The following ZNF226 variants were observed in gnomAD, a reference collection of about 807,000 sequenced individuals.
ZNF226 encodes zinc finger protein 226.
Under a neutral mutation model 11.4 loss-of-function variants are expected in ZNF226, and 6 were observed. The ratio of observed to expected loss-of-function variants is 0.53; its 90% CI spans 0.29 to 1.04. The LOEUF (loss-of-function observed/expected upper bound fraction) is 1.04, where lower values mean the gene tolerates loss of function less well. ZNF226 is among the 50% of genes least tolerant of loss of function. The pLI is 0.08. For synonymous variants in ZNF226, 350 were observed against 322.8 expected (o/e 1.08, Z -0.90); for missense variants, 1,058 against 956.5 (o/e 1.11, Z -1.40).
downstream of ZNF226, among the ~76,000 whole-genome samples, chr19:44,179,400 A>C (rs1156627388): frequency 6.6e-6 from 1 of 152,222 alleles, no homozygotes; most frequent in Non-Finnish European, 1.5e-5. Context: ...AATTACTAGA[A>C]TATATTAATC....
chr19:44,173,002 T>G (rs1341528272), intron 5 of ZNF226, 50 bp downstream of exon 5: 1 of 1,516,616 alleles, frequency 6.6e-7, no homozygotes, highest in South Asian at 1.2e-5. Flanking sequence ...CCATCTGCTT[T>G]GCTTCTTCTT....
chr19:44,170,983 A>G (rs570142515), intron 3 of ZNF226, among the ~76,000 whole-genome samples: 1 of 152,022 alleles, frequency 6.6e-6, no homozygotes, highest in East Asian at 1.9e-4. Flanking sequence ...TGTACTTGTA[A>G]TTATATATTG....
At chr19:44,181,709 A>G (rs1970909202), downstream of ZNF226, among the ~76,000 whole-genome samples, 1 of 152,178 alleles carries the variant, frequency 6.6e-6, no homozygotes, top group Non-Finnish European at 1.5e-5. Context: ...CTAGCTGAGC[A>G]TCTCTTGCCG....
At chr19:44,182,446 A>T (rs1970920441), downstream of ZNF226, among the ~76,000 whole-genome samples, 1 of 152,244 alleles carries the variant, frequency 6.6e-6, no homozygotes, top group South Asian at 2.1e-4. Context: ...GGGGTTTGGA[A>T]ATTGTCCCCA....
At position 44,177,510 on chromosome 19, in the gene ZNF226, A is replaced by G. The variant is rs888928020; in HGVS notation, c.2248A>G (p.Thr750Ala). 6 of 1,614,080 alleles carry G rather than the reference A, an allele frequency of 3.7e-6. No homozygotes were observed. The highest frequency in any genetic ancestry group is 5.1e-6 in the Non-Finnish European group (6 of 1,180,022). ...SQLQSHQRVHTGEKPYKCEIC... is the reference protein window; with the variant it reads ...SQLQSHQRVHAGEKPYKCEIC... ...ACTACAGTCTCATCAGCGAGTTCAC[A>G]CTGGGGAGAAACCTTATAAATGTGA... Residue 750 changes from threonine to alanine, a missense_variant, in exon 6 of 6, where the codon ACT becomes GCT. Coordinates refer to ENST00000337433, the MANE Select transcript of ZNF226 (RefSeq NM_001032373.2).
chr19:44,170,737 AAAAT>A (rs963834343), intron 3 of ZNF226, among the ~76,000 whole-genome samples: 2 of 152,256 alleles, frequency 1.3e-5, no homozygotes, highest in African/African-American at 2.4e-5. Flanking sequence ...CCGTCTCAAA[AAAAT>A]AAATAAATAA....
the ZNF226 span, among the ~76,000 whole-genome samples, chr19:44,190,947 A>G: frequency 1.3e-5 from 2 of 152,254 alleles, no homozygotes; most frequent in African/African-American, 4.8e-5. Flanking sequence ...AACTATAGAT[A>G]GCTTAAGAGA....
rs1970804587 is a variant in ZNF226 at position 44,177,490 on chromosome 19, A to G, written c.2228A>G (p.Gln743Arg). Residue 743 changes from glutamine to arginine, a missense_variant, in exon 6 of 6, where the codon CAG becomes CGG. Gln to Arg is a conservative substitution (Grantham distance 43). Coordinates refer to ENST00000337433, the MANE Select transcript of ZNF226 (RefSeq NM_001032373.2). The part of the protein sequence containing the change: ...GKVFSRSSQL[Q>R]SHQRVHTGEK... ...GTCTTCAGTCGGTCTTCACAACTAC[A>G]GTCTCATCAGCGAGTTCACACTGGG... is the stretch of plus-strand genomic sequence containing the variant. 4.3e-6 allele frequency: 7 copies of G among 1,614,104 alleles called. No homozygotes were observed. The highest frequency in any genetic ancestry group is 1.3e-5 in the African/African-American group (1 of 74,944).
At chr19:44,194,364 A>C in the ZNF226 span, among the ~76,000 whole-genome samples, 1 of 151,918 alleles carries the variant, frequency 6.6e-6, no homozygotes, top group Non-Finnish European at 1.5e-5. Flanking sequence ...ACAGCGTTGA[A>C]CTCCTGGGCA....
the ZNF226 span, among the ~76,000 whole-genome samples, chr19:44,187,398 G>T: frequency 1.3e-5 from 2 of 151,820 alleles, no homozygotes; most frequent in East Asian, 3.9e-4. This position sits in a 1 kb window ranked among gnomAD's most constrained non-coding sequence, Gnocchi z 4.0. Context: ...TATCCAATCT[G>T]TTGGTGTATT....
At chr19:44,199,303 T>C in the ZNF226 span, among the ~76,000 whole-genome samples, 2 of 151,636 alleles carry the variant, frequency 1.3e-5, no homozygotes, top group African/African-American at 4.8e-5. Flanking sequence ...GCCTCCCAAG[T>C]AGCAGGGACT....
the ZNF226 span, among the ~76,000 whole-genome samples, chr19:44,198,725 G>A: frequency 6.6e-6 from 1 of 152,218 alleles, no homozygotes; most frequent in South Asian, 2.1e-4. Context: ...AGGTAGACCT[G>A]TTCAGGGAGA....
chr19:44,198,169 A>C, the ZNF226 span, among the ~76,000 whole-genome samples: 1 of 152,210 alleles, frequency 6.6e-6, no homozygotes, highest in Non-Finnish European at 1.5e-5. Context: ...CCATTAGTCT[A>C]TTCATATTTG....
intron 2 of ZNF226, among the ~76,000 whole-genome samples, chr19:44,168,053 G>A (rs189604653): frequency 2.6e-4 from 39 of 152,228 alleles, no homozygotes; most frequent in Non-Finnish European, 3.4e-4. Flanking sequence ...ATAACAAAGT[G>A]GTCATGTTAG....
downstream of ZNF226, among the ~76,000 whole-genome samples, chr19:44,181,541 AG>A (rs560746215): frequency 6.0e-4 from 91 of 152,298 alleles, no homozygotes; most frequent in African/African-American, 2.1e-3. Context: ...TTTGAGAAAG[AG>A]GGATGCAAAG....
In ZNF226 at chr19:44,175,767, A is replaced by G; in HGVS notation, c.505A>G (p.Thr169Ala). ...GAATCCAGAGTTTCCTATCTTGAGAACCCAGGATTCTTGGAGGAAAACATT... is the reference window on the plus strand; with the variant it reads ...GAATCCAGAGTTTCCTATCTTGAGAGCCCAGGATTCTTGGAGGAAAACATT... Reference protein sequence around the residue: ...TGNPEFPILRTQDSWRKTFLT... With the variant: ...TGNPEFPILRAQDSWRKTFLT... Residue 169 changes from threonine to alanine, a missense_variant, in exon 6 of 6, where the codon ACC becomes GCC. Coordinates refer to ENST00000337433, the MANE Select transcript of ZNF226 (RefSeq NM_001032373.2). 1 of 1,613,656 alleles carries G rather than the reference A, an allele frequency of 6.2e-7. No individual in the cohort carries two copies. The highest frequency in any genetic ancestry group is 1.1e-5 in the South Asian group (1 of 91,024).
At position 44,176,678 on chromosome 19, in the gene ZNF226, G is replaced by C. The variant is rs1229833337; in HGVS notation, c.1416G>C (p.Glu472Asp). ...CCCATCAGGGAGTTCACACTGGAGA[G>C]AAGTCATACATATGTACTGTATGTG... The part of the protein sequence containing the change: ...LQAHQGVHTG[E>D]KSYICTVCGK... Residue 472 changes from glutamate to aspartate, a missense_variant, in exon 6 of 6, where the codon GAG becomes GAC. Physicochemically the swap from Glu to Asp is conservative, Grantham distance 45. Transcript: ENST00000337433. The C allele has an allele frequency of 1.9e-6, 3 of 1,614,072 alleles. No homozygotes were observed. Among genetic ancestry groups the C allele is most frequent in the East Asian group, 2.2e-5 (1 of 44,876 alleles).
At chr19:44,189,949 T>C in the ZNF226 span, among the ~76,000 whole-genome samples, 1 of 152,182 alleles carries the variant, frequency 6.6e-6, no homozygotes, top group Non-Finnish European at 1.5e-5. Context: ...CTTACAGGGC[T>C]TTAGGAAAGA....
At chr19:44,188,575 T>A in the ZNF226 span, among the ~76,000 whole-genome samples, 1 of 152,176 alleles carries the variant, frequency 6.6e-6, no homozygotes, top group South Asian at 2.1e-4. Flanking sequence ...TATTGTGCCA[T>A]TTTATGTAAG....
Sources: gnomAD v4.1 joint callset for allele counts (sites outside exome capture counted in the v4.1 genomes callset) on GRCh38, gnomAD v4.1.1 for gene constraint, Gnocchi (gnomAD v3.1) non-coding constraint, MANE v1.5 for transcripts, NCBI Gene and HGNC (gene_info 2026-07-23, HGNC 2026-07-21) for gene names.